RNGTT: variants seen among roughly 807,000 people sequenced by gnomAD.
RNGTT encodes the protein RNA guanylyltransferase and 5'-phosphatase.
Under a neutral mutation model 79.3 loss-of-function variants are expected in RNGTT, and 33 were observed. The observed-to-expected ratio is 0.42, with a 90% CI of 0.32 to 0.56. The LOEUF is 0.56. Ranked by LOEUF, RNGTT falls within the 20% of genes least tolerant of loss-of-function variation. The pLI is 0.17. For missense variants in RNGTT, 497 were observed against 739.1 expected, an observed-to-expected ratio of 0.67 and a Z score of 3.80; for synonymous variants, 222 against 235.9, an observed-to-expected ratio of 0.94 and a Z score of 0.54.
chr6:88,847,467 T>C (rs1781522388), intron 10 of RNGTT, among the ~76,000 whole-genome samples: 1 of 152,162 alleles, frequency 6.6e-6, no homozygotes, highest in Non-Finnish European at 1.5e-5. Context: ...ACAGTGGCCC[T>C]GATTTGGTGA....
intron 14 of RNGTT, among the ~76,000 whole-genome samples, chr6:88,628,818 G>C (rs1432104595): frequency 6.6e-6 from 1 of 152,064 alleles, no homozygotes; most frequent in African/African-American, 2.4e-5. Context: ...TAGAGGAAAA[G>C]GAAAATTTTA....
chr6:88,691,987 C>T lies in RNGTT; in HGVS notation c.1440-13568G>A, dbSNP rs1055765254. 5.3e-5 allele frequency among the ~76,000 whole-genome samples: 8 copies of T among 152,146 alleles called. No homozygotes were observed. In the South Asian group the frequency reaches 1.7e-3, roughly 32 times the overall value. On this transcript the variant is annotated intron_variant, in intron 13 of 15. Transcript: ENST00000369485. ...ACATAATATAGAAACAAAAATCTCA[C>T]ATAATCTTGGCATAATGATTTTAAA...
intron 9 of RNGTT, 79 bp from the exon 10 acceptor site, chr6:88,849,905 A>T (rs1015571333): frequency 1.5e-6 from 2 of 1,304,498 alleles, no homozygotes; most frequent in Admixed American, 5.7e-5. Context: ...TGGCATACAC[A>T]CAGTAAGCAC....
intron 6 of RNGTT, among the ~76,000 whole-genome samples, chr6:88,900,814 TA>T (rs34788854): frequency 7.4e-6 from 1 of 136,048 alleles, no homozygotes; most frequent in Admixed American, 7.2e-5. Flanking sequence ...ATAAAGAATA[TA>T]AAAAAGAACA....
At chr6:88,618,078 G>A (rs953908999) in intron 14 of RNGTT, among the ~76,000 whole-genome samples, 5 of 152,078 alleles carry the variant, frequency 3.3e-5, no homozygotes, top group African/African-American at 4.8e-5. Context: ...TTTCAGAATT[G>A]CTATAAATTA....
At chr6:88,686,943 A>T (rs1775301076) in intron 13 of RNGTT, among the ~76,000 whole-genome samples, 1 of 147,892 alleles carries the variant, frequency 6.8e-6, no homozygotes, top group Admixed American at 6.6e-5. Context: ...CAAGGAAATA[A>T]GAGAAAATGT....
At chr6:88,783,279 C>G (rs917036689) in intron 12 of RNGTT, among the ~76,000 whole-genome samples, 1 of 152,012 alleles carries the variant, frequency 6.6e-6, no homozygotes, top group African/African-American at 2.4e-5. Flanking sequence ...CTGTACTAAG[C>G]AAAAATAAGC....
At chr6:88,804,729 A>AG (rs1779901286) in intron 11 of RNGTT, among the ~76,000 whole-genome samples, 1 of 151,966 alleles carries the variant, frequency 6.6e-6, no homozygotes, top group Non-Finnish European at 1.5e-5. Context: ...AAAAAAAAAA[A>AG]GTATCCAAAC....
At chr6:88,911,984 G>A (rs1263702951) in intron 4 of RNGTT, among the ~76,000 whole-genome samples, 1 of 152,086 alleles carries the variant, frequency 6.6e-6, no homozygotes, top group East Asian at 1.9e-4. Context: ...GGGGAGTGCT[G>A]AGGTGGGAGG....
At chr6:88,615,742 G>T (rs959053804) in intron 14 of RNGTT, among the ~76,000 whole-genome samples, 4 of 151,974 alleles carry the variant, frequency 2.6e-5, no homozygotes, top group Non-Finnish European at 5.9e-5. Context: ...TCTAAAATGG[G>T]GAACAAGTTC....
At chr6:88,911,521 T>C (rs754557134) in intron 4 of RNGTT, among the ~76,000 whole-genome samples, 2 of 151,446 alleles carry the variant, frequency 1.3e-5, no homozygotes, top group Non-Finnish European at 3.0e-5. Context: ...TCTCAATAAA[T>C]TTTTTTTTAA....
intron 12 of RNGTT, among the ~76,000 whole-genome samples, chr6:88,796,079 TGCTGTAA>T (rs1779592181): frequency 6.6e-6 from 1 of 152,216 alleles, no homozygotes; most frequent in African/African-American, 2.4e-5. Context: ...GTCCAAGACA[TGCTGTAA>T]GTGTAAAATT....
At chr6:88,815,995 A>G (rs997144675) in intron 11 of RNGTT, among the ~76,000 whole-genome samples, 2 of 152,246 alleles carry the variant, frequency 1.3e-5, no homozygotes, top group South Asian at 4.1e-4. Context: ...GGACAGAAAG[A>G]GAAAGCTCAA....
chr6:88,610,893 G>T lies in RNGTT; in HGVS notation c.*1826C>A, dbSNP rs2127843624. 6.6e-6 allele frequency: 1 copy of T among 152,344 alleles called. No homozygotes were observed. The highest frequency in any genetic ancestry group is 1.9e-4 in the East Asian group (1 of 5,190). 9.4% of individuals were successfully genotyped at this position (152,344 alleles called of 1,614,324 possible). A position where few individuals can be genotyped will look rare whatever the true frequency, so the allele number is the denominator to read the frequency against. On this transcript the variant is annotated 3_prime_UTR_variant, in exon 16 of 16. Transcript: ENST00000369485. ...CTCGGAGGGAAAGCAGCACACCGTG[G>T]AAGAGTCACTCGTCCTGGGGAAGCA...
intron 8 of RNGTT, among the ~76,000 whole-genome samples, chr6:88,863,347 T>C (rs1292139698): frequency 6.6e-6 from 1 of 152,200 alleles, no homozygotes; most frequent in Non-Finnish European, 1.5e-5. Context: ...TTTTACTATG[T>C]CCTGTTTATC....
intron 14 of RNGTT, among the ~76,000 whole-genome samples, chr6:88,668,151 T>C (rs567755990): frequency 6.6e-6 from 1 of 151,980 alleles, no homozygotes; most frequent in South Asian, 2.1e-4. Context: ...GGTGATCGAG[T>C]GTGGATCAAA....
chr6:88,881,208 A>G (rs180970103), intron 8 of RNGTT, among the ~76,000 whole-genome samples: 10 of 152,202 alleles, frequency 6.6e-5, no homozygotes, highest in Admixed American at 1.3e-4. Flanking sequence ...ATTGAAGGAC[A>G]ATCTAATCAA....
At chr6:88,874,657 T>A (rs1418615724) in intron 8 of RNGTT, among the ~76,000 whole-genome samples, 26 of 144,750 alleles carry the variant, frequency 1.8e-4, no homozygotes, top group Admixed American at 1.8e-3. Flanking sequence ...CACAGAATCG[T>A]AAAAAAAAAA....
chr6:88,618,406 A>G (rs188730635), intron 14 of RNGTT, among the ~76,000 whole-genome samples: 3 of 152,360 alleles, frequency 2.0e-5, no homozygotes, highest in African/African-American at 7.2e-5. Flanking sequence ...AATGACCGGT[A>G]TAAGGGAGAG....
Sources: gnomAD v4.1 joint callset for allele counts (sites outside exome capture counted in the v4.1 genomes callset) on GRCh38, gnomAD v4.1.1 for gene constraint, MANE v1.5 for transcripts, NCBI Gene and HGNC (gene_info 2026-07-23, HGNC 2026-07-21) for gene names.